Variants in VPS8 observed in about 807,000 individuals in gnomAD.
VPS8 encodes the protein vacuolar protein sorting-associated protein 8 homolog.
A neutral mutation model predicts 216.4 loss-of-function variants in VPS8; 129 were observed. That is an observed-to-expected ratio of 0.60 (90% CI 0.52 to 0.69). The LOEUF is 0.69. Ranked by LOEUF, VPS8 falls within the 30% of genes least tolerant of loss-of-function variation. The pLI is 0.00. For missense variants in VPS8, 1,531 were observed against 1,683.5 expected, an observed-to-expected ratio of 0.91 and a Z score of 1.59; for synonymous variants, 571 against 565.4, an observed-to-expected ratio of 1.01 and a Z score of -0.14.
In VPS8 at chr3:184,885,418, A is replaced by G. The variant is rs1578071199; in HGVS notation, c.1735-692A>G. 3.3e-5 allele frequency among the ~76,000 whole-genome samples: 5 copies of G among 152,352 alleles called. No homozygotes were observed. The South Asian group carries it at 1.0e-3, about 32-fold the overall frequency. Reference sequence around the variant, plus strand: ...AGACTCTTTCCATTGAAAAGGGTCAAAATTATGGATTATCATTTACTTGAT... The same window carrying G: ...AGACTCTTTCCATTGAAAAGGGTCAGAATTATGGATTATCATTTACTTGAT... On this transcript the variant is annotated intron_variant, in intron 21 of 47. Transcript: ENST00000625842.
At chr3:184,852,036 T>C (rs1460978777) in intron 10 of VPS8, among the ~76,000 whole-genome samples, 1 of 152,206 alleles carries the variant, frequency 6.6e-6, no homozygotes. Context: ...GTTTTAGATA[T>C]AGTGGACTTA....
intron 12 of VPS8, 29 bp downstream of exon 12, chr3:184,854,039 A>G (rs779244854): frequency 2.2e-4 from 362 of 1,612,758 alleles, no homozygotes; most frequent in Admixed American, 4.2e-4. Flanking sequence ...TAAAACTCAG[A>G]ACTTTTAGAA....
chr3:184,930,645 A>G, intron 34 of VPS8, 77 bp downstream of exon 34: 4 of 1,005,534 alleles, frequency 4.0e-6, no homozygotes, highest in South Asian at 1.3e-5. Flanking sequence ...CAACGAAGCA[A>G]TGGCATGTAT....
At chr3:185,004,440 G>T (rs1337513838) in intron 45 of VPS8, among the ~76,000 whole-genome samples, 1 of 152,246 alleles carries the variant, frequency 6.6e-6, no homozygotes, top group African/African-American at 2.4e-5. Flanking sequence ...GCACAGTCCA[G>T]CCTCGGCTCG....
At chr3:184,940,380 G>A (rs1445087364) in intron 36 of VPS8, 137 bp downstream of exon 36, 2 of 269,026 alleles carry the variant, frequency 7.4e-6, no homozygotes, top group Non-Finnish European at 1.4e-5. Context: ...AGGAGCAACT[G>A]TTACACAGAT....
intron 45 of VPS8, 89 bp downstream of exon 45, chr3:184,999,950 C>A: frequency 1.4e-6 from 2 of 1,413,690 alleles, no homozygotes; most frequent in Non-Finnish European, 9.4e-7. Flanking sequence ...TTCCATAGGT[C>A]TCAACAAATT....
chr3:185,038,563 C>G (rs865963727), intron 46 of VPS8, among the ~76,000 whole-genome samples: 23 of 152,210 alleles, frequency 1.5e-4, no homozygotes, highest in Non-Finnish European at 3.2e-4. Context: ...CATTTCACCA[C>G]TAACTCCACT....
At chr3:184,990,089 A>G (rs540864471) in intron 42 of VPS8, among the ~76,000 whole-genome samples, 59 of 152,248 alleles carry the variant, frequency 3.9e-4, no homozygotes, top group African/African-American at 1.4e-3. Flanking sequence ...AAGAAAAAAG[A>G]AAAGTGTTCC....
Position 184,832,810 on chromosome 3 carries a change from A to G in VPS8, c.344A>G (p.Asn115Ser). ...AGCTCAGATAGTGGTGACAGGACCA[A>G]CTTAAAAAGGTAGGTATTCATGTCA... ...VASSDSGDRTNLKRKKKLPDS... is the reference protein window; with the variant it reads ...VASSDSGDRTSLKRKKKLPDS... Residue 115 changes from asparagine to serine, a missense_variant, in exon 4 of 48, where the codon AAC becomes AGC. By Grantham distance (46) the Asn-to-Ser change is conservative. This residue lies in a region of VPS8 where 199 missense variants were observed against 182.2 expected (regional missense o/e 1.09). Transcript: ENST00000625842. The G allele has an allele frequency of 6.2e-7, 1 of 1,608,170 alleles. No homozygotes were observed. Among genetic ancestry groups the G allele is most frequent in the Non-Finnish European group, 8.5e-7 (1 of 1,177,112 alleles).
intron 36 of VPS8, among the ~76,000 whole-genome samples, chr3:184,946,698 G>A (rs1406455464): frequency 6.6e-6 from 1 of 152,030 alleles, no homozygotes; most frequent in Admixed American, 6.6e-5. Context: ...GAGCAGTGCT[G>A]ACCTACGTGT....
intron 7 of VPS8, chr3:184,840,631 G>C (rs1369791935): frequency 6.6e-6 from 1 of 152,176 alleles, no homozygotes; most frequent in Non-Finnish European, 1.5e-5. Context: ...AGAATCGCAT[G>C]AACCCAGGAG....
chr3:184,844,237 C>A (rs1214496994), intron 8 of VPS8, among the ~76,000 whole-genome samples: 1 of 152,034 alleles, frequency 6.6e-6, no homozygotes, highest in Non-Finnish European at 1.5e-5. Flanking sequence ...GCCTGGCCAA[C>A]ATGGTGAAAC....
chr3:184,968,041 C>T (rs1247268154), intron 39 of VPS8, among the ~76,000 whole-genome samples: 2 of 152,106 alleles, frequency 1.3e-5, no homozygotes, highest in Non-Finnish European at 2.9e-5. Flanking sequence ...CCCTATTCCC[C>T]TCTCCTCCCA....
intron 42 of VPS8, among the ~76,000 whole-genome samples, chr3:184,984,189 A>AC (rs1334023690): frequency 6.9e-6 from 1 of 144,146 alleles, no homozygotes; most frequent in Non-Finnish European, 1.5e-5. Flanking sequence ...GTCTCAAAAA[A>AC]AAAAACTCTA....
At chr3:184,873,476 T>C (rs1414561112) in intron 21 of VPS8, among the ~76,000 whole-genome samples, 1 of 152,130 alleles carries the variant, frequency 6.6e-6, no homozygotes, top group African/African-American at 2.4e-5. Context: ...TTAATTCTTA[T>C]CATAACTCTG....
chr3:184,873,364 A>G (rs892025498), intron 21 of VPS8, among the ~76,000 whole-genome samples: 2 of 152,136 alleles, frequency 1.3e-5, no homozygotes, highest in Admixed American at 6.6e-5. Context: ...TGATGTTAAT[A>G]AATCACCAAG....
chr3:184,831,462 A>G (rs941811165), intron 3 of VPS8, among the ~76,000 whole-genome samples: 16 of 152,202 alleles, frequency 1.1e-4, no homozygotes, highest in African/African-American at 3.9e-4. Context: ...TCTCAAGTAC[A>G]TTGATTGGAA....
Position 184,894,751 on chromosome 3 carries a change from G to A in VPS8, c.1830G>A (p.Val610=). 6.2e-7 allele frequency: 1 copy of A among 1,608,820 alleles called. No homozygotes were observed. Among genetic ancestry groups the A allele is most frequent in the South Asian group, 1.1e-5 (1 of 89,960 alleles). Residue 610 remains valine, a synonymous_variant, in exon 23 of 48, where the codon GTG becomes GTA. Coordinates refer to ENST00000625842, the MANE Select transcript of VPS8 (RefSeq NM_001009921.3). ...ATGATAAATTAAGTGAGAATTCAGT[G>A]GCCAAAGGAGTATTTTTGGAGTGCC... The part of the protein sequence containing the change: ...QMYDKLSENS[V]AKGVFLECLE...
intron 42 of VPS8, among the ~76,000 whole-genome samples, chr3:184,990,295 A>G (rs1266501344): frequency 6.6e-6 from 1 of 151,880 alleles, no homozygotes; most frequent in African/African-American, 2.4e-5. Context: ...TGCAGCCCCA[A>G]TCACACCTGT....
Sources: gnomAD v4.1 joint callset for allele counts (sites outside exome capture counted in the v4.1 genomes callset) on GRCh38, gnomAD v4.1.1 for gene constraint, gnomAD v4.1.1 regional missense constraint, MANE v1.5 for transcripts, NCBI Gene and HGNC (gene_info 2026-07-23, HGNC 2026-07-21) for gene names.